HLCS: variants seen among roughly 807,000 people sequenced by gnomAD.
HLCS encodes holocarboxylase synthetase.
HLCS carries 53 observed loss-of-function variants against 75.0 expected under a neutral mutation model. That is an observed-to-expected ratio of 0.71 (90% CI 0.57 to 0.89). The LOEUF is 0.89. HLCS is among the 40% of genes least tolerant of loss of function. HLCS has a pLI of 0.00. For synonymous variants in HLCS, 431 were observed against 428.6 expected, an observed-to-expected ratio of 1.01 and a Z score of -0.07; for missense variants, 966 against 1,074.0, an observed-to-expected ratio of 0.90 and a Z score of 1.41.
At chr21:36,760,337 G>A (rs553276104) in intron 8 of HLCS, among the ~76,000 whole-genome samples, 21 of 152,248 alleles carry the variant, frequency 1.4e-4, no homozygotes, top group African/African-American at 4.8e-4. Flanking sequence ...GTGGCCAGGC[G>A]CGCTGGCTCA....
Position 36,826,027 on chromosome 21 carries a change from A to AT in HLCS, c.1893-58743dup, listed in dbSNP as rs111857311. Among the ~76,000 whole-genome samples, 641 of 146,794 alleles carry AT rather than the reference A, an allele frequency of 4.4e-3. 1 individual carries two copies. The highest frequency in any genetic ancestry group is 5.3e-3 in the East Asian group (27 of 5,064). On this transcript the variant is annotated intron_variant, in intron 6 of 10. Coordinates refer to ENST00000674895, the MANE Select transcript of HLCS (RefSeq NM_001352514.2). The stretch of plus-strand genomic sequence containing the variant: ...GTACAAGGAATTAGAGTAAGAAGTT[A>AT]TTTTTTTTTTTTAATTAGAAACAAA...
In HLCS at chr21:36,937,300, G is replaced by A. The variant is rs755852830; in HGVS notation, c.586C>T (p.Leu196Phe). 20 of 1,614,046 alleles carry A rather than the reference G, an allele frequency of 1.2e-5. No homozygotes were observed. Among genetic ancestry groups the A allele is most frequent in the Middle Eastern group, 1.6e-4 (1 of 6,084 alleles). Residue 196 changes from leucine to phenylalanine, a missense_variant, in exon 4 of 11, where the codon CTT becomes TTT. Leu to Phe is a conservative substitution (Grantham distance 22). Transcript: ENST00000674895. Reference protein sequence around the residue: ...QILEPKPEPSLEIKPEQDGME... With the variant: ...QILEPKPEPSFEIKPEQDGME... ...CCGTCCTGCTCAGGCTTAATCTCAA[G>A]AGAAGGTTCAGGCTTCGGCTCTAGG...
intron 5 of HLCS, among the ~76,000 whole-genome samples, chr21:36,908,034 A>G (rs796603286): frequency 6.6e-6 from 1 of 151,944 alleles, no homozygotes; most frequent in South Asian, 2.1e-4. Context: ...ACACCACTGC[A>G]TTCTAGCCTG....
At chr21:36,788,570 G>A (rs1051807684) in intron 6 of HLCS, among the ~76,000 whole-genome samples, 9 of 152,208 alleles carry the variant, frequency 5.9e-5, no homozygotes, top group Non-Finnish European at 1.3e-4. Context: ...ATGCAAAGAG[G>A]AAGATTAAAG....
intron 8 of HLCS, among the ~76,000 whole-genome samples, chr21:36,760,703 G>A (rs2089802340): frequency 6.6e-6 from 1 of 152,192 alleles, no homozygotes; most frequent in African/African-American, 2.4e-5. Flanking sequence ...CTTGGGTAAT[G>A]GAACTGGACT....
chr21:36,977,409 G>A (rs996173543), intron 1 of HLCS, among the ~76,000 whole-genome samples: 3 of 152,138 alleles, frequency 2.0e-5, no homozygotes, highest in Admixed American at 2.0e-4. Flanking sequence ...ATGGGAGATT[G>A]CTCTGCAAAT....
chr21:36,764,936 G>A, intron 8 of HLCS, 76 bp downstream of exon 8: 1 of 1,498,064 alleles, frequency 6.7e-7, no homozygotes. Context: ...AATTATGCAA[G>A]CACATGCTAT....
At chr21:36,811,847 G>A (rs1250406074) in intron 6 of HLCS, among the ~76,000 whole-genome samples, 3 of 152,322 alleles carry the variant, frequency 2.0e-5, no homozygotes, top group East Asian at 1.9e-4. Context: ...TGGAGGACTG[G>A]CAGCGGGGGC....
intron 6 of HLCS, among the ~76,000 whole-genome samples, chr21:36,896,416 G>C (rs997287935): frequency 6.6e-6 from 1 of 152,150 alleles, no homozygotes; most frequent in Non-Finnish European, 1.5e-5. Flanking sequence ...AAAATACAAA[G>C]CTCTGACCTT....
At chr21:36,964,666 A>G (rs556877068) in intron 1 of HLCS, among the ~76,000 whole-genome samples, 12 of 152,330 alleles carry the variant, frequency 7.9e-5, no homozygotes, top group African/African-American at 2.6e-4. Context: ...TGAAAGCACC[A>G]GGCCACTCCT....
intron 2 of HLCS, among the ~76,000 whole-genome samples, chr21:36,959,700 C>T (rs1489580985): frequency 6.6e-6 from 1 of 152,214 alleles, no homozygotes; most frequent in Non-Finnish European, 1.5e-5. Context: ...CACACAGAGG[C>T]TGGGACTACC....
At chr21:36,830,610 G>GCGGCT (rs2062168763) in intron 6 of HLCS, among the ~76,000 whole-genome samples, 1 of 152,038 alleles carries the variant, frequency 6.6e-6, no homozygotes, top group Non-Finnish European at 1.5e-5. Flanking sequence ...GAGGTGGGCT[G>GCGGCT]ATCGCTTGAG....
chr21:36,750,482 C>T lies in HLCS; in HGVS notation c.*3764G>A, dbSNP rs994401773. 1.3e-5 allele frequency among the ~76,000 whole-genome samples: 2 copies of T among 152,138 alleles called. No homozygotes were observed. Among genetic ancestry groups the T allele is most frequent in the African/African-American group, 4.8e-5 (2 of 41,424 alleles). On this transcript the variant is annotated 3_prime_UTR_variant, in exon 11 of 11. Coordinates refer to ENST00000674895, the MANE Select transcript of HLCS (RefSeq NM_001352514.2). Reference sequence around the variant, plus strand: ...AGCCTGTATTTTCCGCCTCCCTTGCCCCCACTCCTTTTATCCTTTTAAAAG... The same window carrying T: ...AGCCTGTATTTTCCGCCTCCCTTGCTCCCACTCCTTTTATCCTTTTAAAAG...
chr21:36,962,252 C>T, intron 1 of HLCS, 82 bp from the exon 2 acceptor site: 1 of 932,830 alleles, frequency 1.1e-6, no homozygotes, highest in South Asian at 1.5e-5. Flanking sequence ...TGAAACATAC[C>T]CTCCCCTATA....
intron 6 of HLCS, among the ~76,000 whole-genome samples, chr21:36,891,437 C>T (rs1338931779): frequency 1.3e-5 from 2 of 152,132 alleles, no homozygotes; most frequent in Admixed American, 6.5e-5. Context: ...GTACCTGAAC[C>T]GGGGGTGCTA....
At chr21:36,914,571 G>A (rs1413527354) in intron 5 of HLCS, among the ~76,000 whole-genome samples, 3 of 152,212 alleles carry the variant, frequency 2.0e-5, no homozygotes, top group African/African-American at 7.2e-5. Context: ...GACCACAAAA[G>A]GCTTGAGTAG....
At chr21:36,972,087 C>T (rs888478969) in intron 1 of HLCS, 2 of 152,018 alleles carry the variant, frequency 1.3e-5, no homozygotes, top group African/African-American at 4.8e-5. Flanking sequence ...CGGGAGAGAA[C>T]CAAAGCTCAT....
At chr21:36,899,604 C>G (rs528218761) in intron 5 of HLCS, among the ~76,000 whole-genome samples, 1 of 152,024 alleles carries the variant, frequency 6.6e-6, no homozygotes, top group East Asian at 2.0e-4. Flanking sequence ...AGCCTGGAGA[C>G]AGAGCAAAAC....
At chr21:36,944,742 G>A (rs568205852) in intron 2 of HLCS, among the ~76,000 whole-genome samples, 15 of 152,166 alleles carry the variant, frequency 9.9e-5, no homozygotes, top group African/African-American at 2.9e-4. Context: ...GAATGACCTC[G>A]TCAAGCTCCC....
Sources: gnomAD v4.1 joint callset for allele counts (sites outside exome capture counted in the v4.1 genomes callset) on GRCh38, gnomAD v4.1.1 for gene constraint, MANE v1.5 for transcripts, NCBI Gene and HGNC (gene_info 2026-07-23, HGNC 2026-07-21) for gene names.